Variants in C2CD3 observed in about 807,000 individuals in gnomAD.
The protein encoded by C2CD3 is C2 domain containing 3 centriole elongation regulator, also known as C2 domain-containing protein 3.
C2CD3 carries 148 observed loss-of-function variants against 234.0 expected under a neutral mutation model. The observed-to-expected ratio is 0.63, with a 90% CI of 0.55 to 0.72. C2CD3 has a LOEUF of 0.72. C2CD3 is among the 30% of genes least tolerant of loss of function. C2CD3 has a pLI of 0.00. For synonymous variants in C2CD3, 1,000 were observed against 1,035.4 expected, an observed-to-expected ratio of 0.97 and a Z score of 0.66; for missense variants, 2,577 against 2,811.5, an observed-to-expected ratio of 0.92 and a Z score of 1.89.
Position 74,078,128 on chromosome 11 carries a change from CGTCCT to C in C2CD3, c.4585_4589del (p.Arg1529AlafsTer36). 9 of 1,612,912 alleles carry C rather than the reference CGTCCT, an allele frequency of 5.6e-6. No homozygotes were observed. Among genetic ancestry groups the C allele is most frequent in the Non-Finnish European group, 7.6e-6 (9 of 1,179,484 alleles). The stretch of plus-strand genomic sequence containing the variant: ...CTCCTCACTTACCACTGACAGTTAG[CGTCCT>C]CGCTGACCTCTCCCCAAGTCTGGCC... On this transcript the variant is annotated frameshift_variant, in exon 23 of 33. Coordinates refer to ENST00000334126, the MANE Select transcript of C2CD3 (RefSeq NM_001286577.2). LOFTEE classifies it high-confidence loss of function.
Position 74,035,866 on chromosome 11 carries a change from T to G in C2CD3, c.5882-1588A>C, listed in dbSNP as rs941211488. Among the ~76,000 whole-genome samples the G allele has an allele frequency of 6.6e-5, 10 of 152,236 alleles. No individual in the cohort carries two copies. The East Asian group carries it at 9.6e-4, about 15-fold the overall frequency. ...GGCCCCACAGCTTCAATTCTTTTTTTTTTGTTTGTTTTGAGTCAGAGTCTT... is the reference window on the plus strand; with the variant it reads ...GGCCCCACAGCTTCAATTCTTTTTTGTTTGTTTGTTTTGAGTCAGAGTCTT... On this transcript the variant is annotated intron_variant, in intron 30 of 32. Coordinates refer to ENST00000334126, the MANE Select transcript of C2CD3 (RefSeq NM_001286577.2).
intron 3 of C2CD3, among the ~76,000 whole-genome samples, chr11:74,145,191 T>C (rs556425641): frequency 9.8e-5 from 15 of 152,332 alleles, no homozygotes; most frequent in Non-Finnish European, 2.1e-4. Flanking sequence ...ACCAGCAGTG[T>C]ATAAGCATTC....
intron 7 of C2CD3, among the ~76,000 whole-genome samples, chr11:74,128,019 C>T (rs1957474677): frequency 1.3e-5 from 2 of 152,286 alleles, no homozygotes; most frequent in African/African-American, 2.4e-5. Context: ...CCTGCTACCA[C>T]ACCTGGCTAA....
Position 74,013,400 on chromosome 11 carries a change from G to C in C2CD3, c.7047C>G (p.Tyr2349Ter). The C allele has an allele frequency of 8.7e-7, 1 of 1,150,998 alleles. No individual in the cohort carries two copies. Among genetic ancestry groups the C allele is most frequent in the Non-Finnish European group, 1.2e-6 (1 of 864,278 alleles). The allele number at this position is 1,150,998 out of a possible 1,614,324, so 71.3% of individuals were successfully genotyped here. A position where few individuals can be genotyped will look rare whatever the true frequency, so the allele number is the denominator to read the frequency against. Residue 2349 changes from tyrosine to a stop codon, truncating the protein, a stop_gained, in exon 33 of 33, where the codon TAC becomes TAG. Transcript: ENST00000334126. LOFTEE classifies it high-confidence loss of function. ...LRIARIFSSQ[Y>*]SQKD ...TCAGGCTGCGTCAGTCTTTCTGGGA[G>C]TACTGAGAAGAAAATATCCGTGCAA...
chr11:74,015,601 G>T (rs761378186), intron 32 of C2CD3, among the ~76,000 whole-genome samples: 1 of 152,176 alleles, frequency 6.6e-6, no homozygotes, highest in Admixed American at 6.5e-5. Flanking sequence ...TTTGTTTTAT[G>T]AGCCAGATGG....
At chr11:74,062,710 A>C (rs1163327620) in intron 24 of C2CD3, among the ~76,000 whole-genome samples, 1 of 151,896 alleles carries the variant, frequency 6.6e-6, no homozygotes, top group Non-Finnish European at 1.5e-5. Context: ...TCACAATTAA[A>C]AGAACTGGAG....
chr11:74,117,075 AAT>A (rs766123599), intron 9 of C2CD3, among the ~76,000 whole-genome samples: 21 of 23,020 alleles, frequency 9.1e-4, no homozygotes, highest in Non-Finnish European at 1.4e-3. Flanking sequence ...TATATATATG[AAT>A]ATATATATGA....
In C2CD3 at chr11:74,078,399, T is replaced by C. The variant is rs1237132299; in HGVS notation, c.4319A>G (p.Lys1440Arg). Residue 1440 changes from lysine (K) to arginine (R), a missense_variant, in exon 23 of 33, where the codon AAG (lysine) becomes AGG (arginine). Lys to Arg is a conservative substitution (Grantham distance 26). Coordinates refer to ENST00000334126, the MANE Select transcript of C2CD3 (RefSeq NM_001286577.2). ...CCAAAAGGCTTCATGATCATAGAAC[T>C]TGTAGCGAAGGTAGCAATATGTATT... ...HKNTYCYLRY[K>R]FYDHEAFWTP... 2 of 1,614,038 alleles carry C rather than the reference T, an allele frequency of 1.2e-6. No individual in the cohort carries two copies. Among genetic ancestry groups the C allele is most frequent in the African/African-American group, 2.7e-5 (2 of 74,906 alleles).
At chr11:74,168,712 T>C (rs779006771) in intron 1 of C2CD3, 99 bp from the exon 2 acceptor site, 4 of 1,099,536 alleles carry the variant, frequency 3.6e-6, no homozygotes, top group Non-Finnish European at 5.2e-6. Context: ...ACTTTAGTCT[T>C]AAGTTCAGCA....
At position 74,042,016 on chromosome 11, in the gene C2CD3, A is replaced by G. The variant is rs189938220; in HGVS notation, c.5660+38T>C. 4.8e-4 allele frequency: 775 copies of G among 1,606,326 alleles called. 4 individuals carry two copies. The highest frequency in any genetic ancestry group is 3.8e-5 in the Non-Finnish European group (45 of 1,173,814). Reference sequence around the variant, plus strand: ...CCATTTCTCATTCACCTTGTGCCCCACTATGGTTTCCTGTGTCTTTTCTCA... The same window carrying G: ...CCATTTCTCATTCACCTTGTGCCCCGCTATGGTTTCCTGTGTCTTTTCTCA... On this transcript the variant is annotated intron_variant, in intron 29 of 32. Transcript: ENST00000334126.
chr11:74,021,873 C>T (rs1290677609), intron 32 of C2CD3, among the ~76,000 whole-genome samples: 1 of 152,188 alleles, frequency 6.6e-6, no homozygotes, highest in Non-Finnish European at 1.5e-5. Flanking sequence ...CGCTTGTAAT[C>T]ACAGCATTTT....
chr11:74,061,431 G>A (rs1314324894), intron 24 of C2CD3, among the ~76,000 whole-genome samples: 2 of 152,200 alleles, frequency 1.3e-5, no homozygotes, highest in Non-Finnish European at 2.9e-5. Flanking sequence ...AGATCTCTCA[G>A]CTGAAACTCT....
rs763520995 is a variant in C2CD3, at chr11:74,092,542, A to C, written c.3391T>G (p.Leu1131Val). The change falls in exon 19 of 33, where the codon TTG becomes GTG. Residue 1131 changes from leucine to valine, a missense_variant. Transcript: ENST00000334126. The part of the protein sequence containing the change: ...VRDQKVAKGT[L>V]PLSRICAMVT... ...ATAGCACAGATCCTTGATAATGGCA[A>C]GGTTCCTTTGGCGACCTTCTGGTCT... The C allele has an allele frequency of 2.2e-5, 35 of 1,613,866 alleles. No individual in the cohort carries two copies. The highest frequency in any genetic ancestry group is 2.9e-5 in the Non-Finnish European group (34 of 1,179,948).
intron 22 of C2CD3, among the ~76,000 whole-genome samples, chr11:74,084,391 C>A (rs1242619731): frequency 6.6e-5 from 10 of 150,616 alleles, no homozygotes; most frequent in Non-Finnish European, 1.3e-4. Flanking sequence ...ATGTAACAAA[C>A]CTGCATGTTG....
intron 24 of C2CD3, 92 bp downstream of exon 24, chr11:74,074,161 T>TA (rs1954923038): frequency 1.2e-6 from 1 of 860,546 alleles, no homozygotes; most frequent in Non-Finnish European, 1.8e-6. Context: ...TTGAGATAAT[T>TA]AACAGATCCT....
intron 29 of C2CD3, among the ~76,000 whole-genome samples, chr11:74,039,559 A>G (rs550636514): frequency 2.6e-5 from 4 of 152,282 alleles, no homozygotes; most frequent in South Asian, 2.1e-4. Context: ...CAGTGCTGTA[A>G]TAAGCCCTTC....
At position 74,126,616 on chromosome 11, in the gene C2CD3, C is replaced by A. The variant is rs558727058; in HGVS notation, c.1218-3481G>T. 5.1e-4 allele frequency among the ~76,000 whole-genome samples: 78 copies of A among 152,218 alleles called. 1 individual carries two copies. The highest frequency in any genetic ancestry group is 1.9e-3 in the African/African-American group (77 of 41,548). ...AAAATTAGCTGGGCATGGTGGCATG[C>A]GCCTGCAATCCCAGCTACTCGGGAA... On this transcript the variant is annotated intron_variant, in intron 7 of 32. Transcript: ENST00000334126.
In C2CD3 at chr11:74,090,619, A is replaced by G. The variant is rs1008080566; in HGVS notation, c.3641+194T>C. Among the ~76,000 whole-genome samples, 4 of 152,238 alleles carry G rather than the reference A, an allele frequency of 2.6e-5. No individual in the cohort carries two copies. In the East Asian group the frequency reaches 7.7e-4, roughly 29 times the overall value. On this transcript the variant is annotated intron_variant, in intron 20 of 32. Transcript: ENST00000334126. The stretch of plus-strand genomic sequence containing the variant: ...AATTGTTGGGCAAGGTCAAGGAGGT[A>G]AGTTGCTAACAGTTAAAATAGCAAC...
chr11:74,075,269 C>T (rs764283480), intron 23 of C2CD3, among the ~76,000 whole-genome samples: 1 of 149,618 alleles, frequency 6.7e-6, no homozygotes, highest in East Asian at 2.0e-4. Flanking sequence ...TTCTCTTCCT[C>T]GTGTCTCATG....
Sources: gnomAD v4.1 joint callset for allele counts (sites outside exome capture counted in the v4.1 genomes callset) on GRCh38, gnomAD v4.1.1 for gene constraint, MANE v1.5 for transcripts, NCBI Gene and HGNC (gene_info 2026-07-23, HGNC 2026-07-21) for gene names.